Variants in ZMYM1 observed in about 807,000 individuals in gnomAD.
The protein encoded by ZMYM1 is zinc finger MYM-type protein 1.
ZMYM1 carries 39 observed loss-of-function variants against 60.0 expected under a neutral mutation model. The observed-to-expected ratio is 0.65, with a 90% CI of 0.50 to 0.85. The LOEUF (loss-of-function observed/expected upper bound fraction) is 0.85, where lower values mean the gene tolerates loss of function less well. Among genes scored for constraint, ZMYM1 ranks in the 40% least tolerant of loss-of-function variants. The probability of loss-of-function intolerance (pLI) is 0.00; values close to 1 mark genes in which losing one functional copy is unlikely to be tolerated. For missense variants in ZMYM1, 1,171 were observed against 1,309.5 expected (o/e 0.89, Z 1.63); for synonymous variants, 413 against 454.0 (o/e 0.91, Z 1.15).
chr1:35,067,259 A>G (rs1641987699), intron 1 of ZMYM1, among the ~76,000 whole-genome samples: 1 of 152,116 alleles, frequency 6.6e-6, no homozygotes, highest in Non-Finnish European at 1.5e-5. Flanking sequence ...AATTACAGGC[A>G]TGAGCCACCG....
intron 6 of ZMYM1, among the ~76,000 whole-genome samples, chr1:35,108,003 G>A (rs532474726): frequency 7.2e-5 from 11 of 152,022 alleles, no homozygotes; most frequent in African/African-American, 2.2e-4. Context: ...CCAGCTACCC[G>A]GGAGGCTGAG....
chr1:35,099,869 T>C (rs1643545208), intron 4 of ZMYM1, among the ~76,000 whole-genome samples: 1 of 151,900 alleles, frequency 6.6e-6, no homozygotes, highest in Admixed American at 6.6e-5. Flanking sequence ...TGATTTTCAG[T>C]TTTGTTTGTT....
intron 1 of ZMYM1, chr1:35,093,495 C>T (rs1569930517): frequency 6.6e-6 from 1 of 152,468 alleles, no homozygotes; most frequent in African/African-American, 2.4e-5. Flanking sequence ...TGGGGTTTCA[C>T]CATGTTGGCC....
chr1:35,093,860 A>G (rs1413563531), intron 1 of ZMYM1, 54 bp from the exon 2 acceptor site: 9 of 625,660 alleles, frequency 1.4e-5, no homozygotes, highest in Non-Finnish European at 2.4e-5. Flanking sequence ...GAAAATTACC[A>G]TATTTAAAAG....
downstream of ZMYM1, among the ~76,000 whole-genome samples, chr1:35,118,702 A>C (rs536981630): frequency 1.6e-3 from 241 of 152,108 alleles, no homozygotes; most frequent in African/African-American, 5.5e-3. Context: ...GCAAGACTCC[A>C]TCTCAAAAAA....
intron 1 of ZMYM1, among the ~76,000 whole-genome samples, chr1:35,085,121 C>T (rs996194283): frequency 3.9e-5 from 6 of 151,970 alleles, no homozygotes; most frequent in Non-Finnish European, 7.4e-5. Flanking sequence ...TGTCTCAGCT[C>T]ACTGCAAGCT....
At chr1:35,109,875 T>G (rs529770531) in intron 6 of ZMYM1, among the ~76,000 whole-genome samples, 9 of 152,098 alleles carry the variant, frequency 5.9e-5, no homozygotes, top group African/African-American at 2.2e-4. Context: ...GCCTCCTGAG[T>G]AACTGTGATT....
intron 1 of ZMYM1, among the ~76,000 whole-genome samples, chr1:35,083,566 A>G (rs1004727735): frequency 6.6e-6 from 1 of 151,840 alleles, no homozygotes; most frequent in Non-Finnish European, 1.5e-5. Flanking sequence ...ATGTGGTTTG[A>G]TGTTTTTCTT....
chr1:35,080,228 T>C lies in ZMYM1; in HGVS notation c.-75+786T>C, dbSNP rs562760600. 3.3e-5 allele frequency among the ~76,000 whole-genome samples: 5 copies of C among 152,264 alleles called. No individual in the cohort carries two copies. In the South Asian group the frequency reaches 1.0e-3, roughly 32 times the overall value. The stretch of plus-strand genomic sequence containing the variant: ...TGACCCATGTCTACTTTTCAAACTT[T>C]CCAGTTCCTTCTACTAGCACTCTTG... On this transcript the variant is annotated intron_variant, in intron 1 of 9. Transcript: ENST00000359858.
At chr1:35,094,202 T>C in intron 2 of ZMYM1, 119 bp downstream of exon 2, 1 of 719,614 alleles carries the variant, frequency 1.4e-6, no homozygotes, top group Non-Finnish European at 2.2e-6. Context: ...CCAAAGCAGT[T>C]AATTAAATAA....
At chr1:35,072,524 A>AT (rs35933546) in intron 1 of ZMYM1, among the ~76,000 whole-genome samples, 151,494 of 151,534 alleles carry the variant, frequency 1, 75,727 homozygotes, top group Middle Eastern at 1. Flanking sequence ...GATCTTTTGA[A>AT]TTTTTTTTAG....
chr1:35,101,060 C>T (rs1643620113), intron 4 of ZMYM1, among the ~76,000 whole-genome samples: 1 of 151,986 alleles, frequency 6.6e-6, no homozygotes, highest in African/African-American at 2.4e-5. Context: ...GGCTTGCCCT[C>T]CCAAAGTGCT....
At chr1:35,110,673 G>C (rs945273893) in intron 7 of ZMYM1, among the ~76,000 whole-genome samples, 2 of 152,124 alleles carry the variant, frequency 1.3e-5, no homozygotes, top group African/African-American at 4.8e-5. Flanking sequence ...GCTCATGCCT[G>C]TATTCCCAGC....
chr1:35,060,105 C>T (rs1321087200), intron 1 of ZMYM1, among the ~76,000 whole-genome samples: 3 of 151,434 alleles, frequency 2.0e-5, no homozygotes, highest in Non-Finnish European at 2.9e-5. Context: ...AGTTTACACC[C>T]TAGTAGAGAG....
chr1:35,096,756 AG>A (rs998322393), intron 3 of ZMYM1, among the ~76,000 whole-genome samples: 1 of 151,932 alleles, frequency 6.6e-6, no homozygotes, highest in Non-Finnish European at 1.5e-5. Context: ...GCTGGAGGGC[AG>A]TGCATGATCT....
chr1:35,112,914 T>G, intron 9 of ZMYM1, 63 bp from the exon 10 acceptor site: 1 of 1,363,214 alleles, frequency 7.3e-7, no homozygotes, highest in Non-Finnish European at 9.6e-7. Context: ...AGAGTAGATA[T>G]ATTTGATATT....
At chr1:35,082,371 C>T (rs1433667758) in intron 1 of ZMYM1, among the ~76,000 whole-genome samples, 3 of 151,626 alleles carry the variant, frequency 2.0e-5, no homozygotes, top group Non-Finnish European at 4.4e-5. Context: ...TGCGCTGTCA[C>T]CCAGGCTGGA....
intron 1 of ZMYM1, among the ~76,000 whole-genome samples, chr1:35,088,448 A>ATGTG (rs1388918146): frequency 3.5e-5 from 4 of 113,696 alleles, no homozygotes; most frequent in African/African-American, 4.0e-5. Flanking sequence ...ATATATATAT[A>ATGTG]TATATATGTG....
At chr1:35,105,131 T>TTTTTTTTTTTTTTTTTTTTTTTTTTTTG (rs1643853939) in intron 6 of ZMYM1, among the ~76,000 whole-genome samples, 1 of 138,780 alleles carries the variant, frequency 7.2e-6, no homozygotes, top group Non-Finnish European at 1.6e-5. Flanking sequence ...TCTTTCTTTT[T>TTTTTTTTTTTTTTTTTTTTTTTTTTTTG]TTTTTTTTTT....
Sources: gnomAD v4.1 joint callset for allele counts (sites outside exome capture counted in the v4.1 genomes callset) on GRCh38, gnomAD v4.1.1 for gene constraint, MANE v1.5 for transcripts, NCBI Gene and HGNC (gene_info 2026-07-23, HGNC 2026-07-21) for gene names.